Variants in TGFBR3 observed in about 807,000 individuals in gnomAD.
TGFBR3 encodes the protein transforming growth factor beta receptor type 3.
A neutral mutation model predicts 87.9 loss-of-function variants in TGFBR3; 46 were observed. That is an observed-to-expected ratio of 0.52 (90% confidence interval 0.41 to 0.67). The LOEUF is 0.67. TGFBR3 is among the 30% of genes least tolerant of loss of function. The probability of loss-of-function intolerance (pLI) is 0.00; values close to 1 mark genes in which losing one functional copy is unlikely to be tolerated. For synonymous variants in TGFBR3, 381 were observed against 391.6 expected, an observed-to-expected ratio of 0.97 and a Z score of 0.32; for missense variants, 866 against 1,041.9, an observed-to-expected ratio of 0.83 and a Z score of 2.32.
intron 8 of TGFBR3, 38 bp from the exon 9 acceptor site, chr1:91,720,268 A>G: frequency 6.5e-7 from 1 of 1,535,538 alleles, no homozygotes; most frequent in South Asian, 1.2e-5. Context: ...GCAGTGTTTG[A>G]TGCCAGGCCA....
At position 91,822,266 on chromosome 1, in the gene TGFBR3, C is replaced by T. The variant is rs113257370; in HGVS notation, c.62-24795G>A. Among the ~76,000 whole-genome samples the T allele has an allele frequency of 8.6e-5, 12 of 139,158 alleles. No individual in the cohort carries two copies. In the South Asian group the frequency reaches 9.1e-4, roughly 11 times the overall value. The allele number at this position is 139,158 out of a possible 152,430, so 91.3% of individuals were successfully genotyped here. ...AACATTTCCAGTATCTCCTAGTGCC[C>T]GCTGTAGGCTGAGAAGAGCAAAGCA... On this transcript the variant is annotated intron_variant, in intron 2 of 16. Coordinates refer to ENST00000212355, the MANE Select transcript of TGFBR3 (RefSeq NM_003243.5).
At chr1:91,859,295 C>A (rs916257232) in intron 2 of TGFBR3, among the ~76,000 whole-genome samples, 1 of 151,864 alleles carries the variant, frequency 6.6e-6, no homozygotes, top group East Asian at 1.9e-4. Flanking sequence ...TCAGTCTGAC[C>A]CAGGCATCAA....
chr1:91,814,547 T>C (rs1489782605), intron 2 of TGFBR3, among the ~76,000 whole-genome samples: 2 of 152,006 alleles, frequency 1.3e-5, no homozygotes, highest in African/African-American at 2.4e-5. Context: ...CCAAAACATA[T>C]AAGAACATGC....
chr1:91,804,999 A>C (rs1675777848), intron 2 of TGFBR3, among the ~76,000 whole-genome samples: 1 of 152,254 alleles, frequency 6.6e-6, no homozygotes, highest in African/African-American at 2.4e-5. Flanking sequence ...AACAATGCTC[A>C]TAAGCACACA....
intron 1 of TGFBR3, among the ~76,000 whole-genome samples, chr1:91,868,180 T>C (rs1179865729): frequency 6.6e-6 from 1 of 152,214 alleles, no homozygotes; most frequent in Non-Finnish European, 1.5e-5. Context: ...AGCCTCACAA[T>C]GTGCTGGGAT....
At chr1:91,697,950 G>A in intron 15 of TGFBR3, 139 bp downstream of exon 15, 1 of 786,014 alleles carries the variant, frequency 1.3e-6, no homozygotes, top group Non-Finnish European at 2.2e-6. Flanking sequence ...GAGCAAAAAG[G>A]GGAAAGGGGA....
intron 4 of TGFBR3, among the ~76,000 whole-genome samples, chr1:91,736,764 AC>A (rs1672980737): frequency 6.6e-6 from 1 of 152,074 alleles, no homozygotes; most frequent in Non-Finnish European, 1.5e-5. Flanking sequence ...TGTCACCAAA[AC>A]CCACAACAGT....
chr1:91,812,838 T>C (rs935987585), intron 2 of TGFBR3, among the ~76,000 whole-genome samples: 1 of 152,202 alleles, frequency 6.6e-6, no homozygotes, highest in African/African-American at 2.4e-5. Context: ...GGTCTCAAAC[T>C]CCTGACCTCA....
intron 16 of TGFBR3, among the ~76,000 whole-genome samples, chr1:91,684,510 C>G (rs567288257): frequency 6.6e-6 from 1 of 152,332 alleles, no homozygotes; most frequent in African/African-American, 2.4e-5. Flanking sequence ...CGAATGGCCT[C>G]TCTTCCCCAC....
At chr1:91,739,464 T>A (rs1025589410) in intron 4 of TGFBR3, among the ~76,000 whole-genome samples, 3 of 152,206 alleles carry the variant, frequency 2.0e-5, no homozygotes, top group African/African-American at 7.2e-5. Flanking sequence ...ATCCTTATTT[T>A]ATTAGCTATA....
At chr1:91,778,147 C>T (rs1571500324) in intron 3 of TGFBR3, among the ~76,000 whole-genome samples, 1 of 148,026 alleles carries the variant, frequency 6.8e-6, no homozygotes, top group Non-Finnish European at 1.5e-5. Flanking sequence ...GTAAATCCTA[C>T]TTAATCTAGG....
intron 3 of TGFBR3, among the ~76,000 whole-genome samples, chr1:91,781,745 C>G (rs1402809665): frequency 2.6e-5 from 4 of 151,940 alleles, no homozygotes; most frequent in Non-Finnish European, 5.9e-5. Context: ...AGTCAAGGGC[C>G]CATATCACTT....
chr1:91,687,813 G>T (rs1052317654), intron 16 of TGFBR3, among the ~76,000 whole-genome samples: 10 of 152,152 alleles, frequency 6.6e-5, no homozygotes, highest in African/African-American at 2.4e-4. Flanking sequence ...TCCTTCTCAG[G>T]AGATATTTAA....
intron 3 of TGFBR3, among the ~76,000 whole-genome samples, chr1:91,777,373 G>GT (rs2100951835): frequency 6.6e-6 from 1 of 152,248 alleles, no homozygotes; most frequent in South Asian, 2.1e-4. Context: ...AGCTGCCAAG[G>GT]TACTTGCTGT....
chr1:91,781,678 G>A (rs180963409), intron 3 of TGFBR3, among the ~76,000 whole-genome samples: 20 of 152,032 alleles, frequency 1.3e-4, no homozygotes, highest in Admixed American at 3.3e-4. Context: ...AAAACAGGAC[G>A]AAAAATTGCC....
At chr1:91,721,549 G>A (rs1672368452) in intron 8 of TGFBR3, among the ~76,000 whole-genome samples, 1 of 152,136 alleles carries the variant, frequency 6.6e-6, no homozygotes, top group African/African-American at 2.4e-5. Flanking sequence ...AGTAACTCCT[G>A]CCATCCTCTG....
intron 2 of TGFBR3, among the ~76,000 whole-genome samples, chr1:91,806,949 C>T (rs780619682): frequency 3.3e-5 from 5 of 152,172 alleles, no homozygotes; most frequent in Admixed American, 2.6e-4. Context: ...GATTTCTCAG[C>T]CAATAGCACT....
chr1:91,822,718 G>T (rs1383329980), intron 2 of TGFBR3, among the ~76,000 whole-genome samples: 1 of 152,094 alleles, frequency 6.6e-6, no homozygotes, highest in Admixed American at 6.5e-5. Context: ...CTTGAGTCTA[G>T]GAGTTCGAGA....
intron 2 of TGFBR3, among the ~76,000 whole-genome samples, chr1:91,827,902 A>C (rs1388363020): frequency 6.6e-6 from 1 of 152,224 alleles, no homozygotes; most frequent in Non-Finnish European, 1.5e-5. Flanking sequence ...CCCCATCCAG[A>C]ATACAAGGTA....
Sources: gnomAD v4.1 joint callset for allele counts (sites outside exome capture counted in the v4.1 genomes callset) on GRCh38, gnomAD v4.1.1 for gene constraint, MANE v1.5 for transcripts, NCBI Gene and HGNC (gene_info 2026-07-23, HGNC 2026-07-21) for gene names.